TPD52L1: variants seen among roughly 807,000 people sequenced by gnomAD.
The protein encoded by TPD52L1 is tumor protein D53.
In TPD52L1, 18 loss-of-function variants were observed where a neutral mutation model predicts 28.7. The ratio of observed to expected loss-of-function variants is 0.63; its 90% CI spans 0.43 to 0.93. The LOEUF is 0.93. Among genes scored for constraint, TPD52L1 ranks in the 40% least tolerant of loss-of-function variants. The pLI is 0.00. For missense variants in TPD52L1, 203 were observed against 254.8 expected, an observed-to-expected ratio of 0.80 and a Z score of 1.39; for synonymous variants, 75 against 88.8, an observed-to-expected ratio of 0.84 and a Z score of 0.88.
intron 5 of TPD52L1, among the ~76,000 whole-genome samples, chr6:125,255,069 G>A (rs1482532029): frequency 1.3e-5 from 2 of 152,068 alleles, no homozygotes; most frequent in African/African-American, 4.8e-5. Flanking sequence ...TGCCCCAGTT[G>A]GGTAGTGGAA....
Position 125,204,991 on chromosome 6 carries a change from CTCTT to C in TPD52L1, c.20-15085_20-15082del, listed in dbSNP as rs567145875. Among the ~76,000 whole-genome samples the C allele has an allele frequency of 5.7e-4, 87 of 152,312 alleles. 1 individual carries two copies. In the South Asian group the frequency reaches 0.018, roughly 31 times the overall value. ...AGTGCTTCAATATTAAGTCACCTAACTCTTTATTCTCCACAATGTTTAGCAAATA... is the reference window on the plus strand; with the variant it reads ...AGTGCTTCAATATTAAGTCACCTAACTATTCTCCACAATGTTTAGCAAATA... On this transcript the variant is annotated intron_variant, in intron 1 of 6. Coordinates refer to ENST00000534000, the MANE Select transcript of TPD52L1 (RefSeq NM_003287.4).
intron 2 of TPD52L1, 41 bp from the exon 3 acceptor site, chr6:125,229,076 TG>T: frequency 6.3e-7 from 1 of 1,591,830 alleles, no homozygotes; most frequent in Non-Finnish European, 8.5e-7. Context: ...CCTTTTTTGC[TG>T]GTCTGACATT....
rs1229558808 is a variant in TPD52L1 at position 125,260,994 on chromosome 6, G to T, written c.487-1840G>T. ...AAAGAAAGAAAAGAAAAGAAAGAAA[G>T]AAAGAAAGAAAGAAAGAAAGAAAGA... On this transcript the variant is annotated intron_variant, in intron 6 of 6. Transcript: ENST00000534000. The T allele has an allele frequency of 9.2e-5, 4 of 43,376 alleles. 1 individual carries two copies. In the Admixed American group the frequency reaches 1.2e-3, roughly 13 times the overall value. 2.7% of individuals were successfully genotyped at this position (43,376 alleles called of 1,614,324 possible).
chr6:125,154,606 C>G (rs1282234797), intron 1 of TPD52L1: 13 of 902,372 alleles, frequency 1.4e-5, no homozygotes, highest in Non-Finnish European at 1.7e-5. Flanking sequence ...CCGCCCAGCT[C>G]CCTGCTCCCG....
chr6:125,230,344 G>A (rs1795877635), intron 3 of TPD52L1, among the ~76,000 whole-genome samples: 1 of 152,098 alleles, frequency 6.6e-6, no homozygotes, highest in East Asian at 1.9e-4. Context: ...GGGGTTAGGG[G>A]CTGATGAGGA....
chr6:125,154,292 T>G (rs1392834564), intron 1 of TPD52L1: 3 of 1,169,932 alleles, frequency 2.6e-6, no homozygotes, highest in African/African-American at 1.6e-5. Context: ...AAGGACCTGT[T>G]GTGCCGGGTC....
At chr6:125,196,532 T>C (rs1793453502) in intron 1 of TPD52L1, among the ~76,000 whole-genome samples, 2 of 152,240 alleles carry the variant, frequency 1.3e-5, no homozygotes, top group Non-Finnish European at 2.9e-5. Context: ...ATGGACTACA[T>C]TAAAAAGTTA....
At chr6:125,198,607 C>T (rs1388827728) in intron 1 of TPD52L1, among the ~76,000 whole-genome samples, 1 of 152,192 alleles carries the variant, frequency 6.6e-6, no homozygotes, top group Non-Finnish European at 1.5e-5. Flanking sequence ...CGTCAATTTT[C>T]CTCTTTATAA....
Position 125,220,085 on chromosome 6 carries a change from G to A in TPD52L1, c.27G>A (p.Leu9=), listed in dbSNP as rs775831581. The change falls in exon 2 of 7, where the codon TTG becomes TTA. Residue 9 remains leucine (L), a synonymous_variant. Transcript: ENST00000534000. MEAQAQGL[L]ETEPLQGTDE... is the part of the protein sequence containing the mutation. The stretch of plus-strand genomic sequence containing the variant: ...TATCAATTCTGCCTAAAGGTTTGTT[G>A]GAGACTGAACCGTTGCAAGGAACAG... The A allele has an allele frequency of 6.2e-6, 10 of 1,612,496 alleles. No individual in the cohort carries two copies. The highest frequency in any genetic ancestry group is 8.5e-6 in the Non-Finnish European group (10 of 1,178,664).
At chr6:125,256,651 A>T (rs1020408168) in intron 5 of TPD52L1, among the ~76,000 whole-genome samples, 1 of 152,254 alleles carries the variant, frequency 6.6e-6, no homozygotes, top group African/African-American at 2.4e-5. Flanking sequence ...AACTTTAAAA[A>T]ATGCCAAGTG....
At chr6:125,219,695 C>T (rs1189702228) in intron 1 of TPD52L1, 3 of 290,310 alleles carry the variant, frequency 1.0e-5, no homozygotes, top group Non-Finnish European at 2.0e-5. Context: ...TTGGGGCCTA[C>T]AATTTACACA....
intron 1 of TPD52L1, chr6:125,219,765 C>T (rs113884589): frequency 9.9e-5 from 38 of 382,352 alleles, no homozygotes; most frequent in East Asian, 2.5e-4. Context: ...TCTGCCCTTA[C>T]GCCTCATGAG....
chr6:125,221,435 T>G (rs999520388), intron 2 of TPD52L1, among the ~76,000 whole-genome samples: 1 of 152,148 alleles, frequency 6.6e-6, no homozygotes, highest in Non-Finnish European at 1.5e-5. Context: ...CAGAGTGGGG[T>G]AAGCCAACTG....
At chr6:125,195,714 T>C (rs1793383907) in intron 1 of TPD52L1, among the ~76,000 whole-genome samples, 1 of 152,180 alleles carries the variant, frequency 6.6e-6, no homozygotes, top group African/African-American at 2.4e-5. Flanking sequence ...TCCCTGGAAA[T>C]CTCTTTTATT....
At chr6:125,245,962 G>A (rs1796898837) in intron 3 of TPD52L1, among the ~76,000 whole-genome samples, 1 of 152,184 alleles carries the variant, frequency 6.6e-6, no homozygotes, top group Non-Finnish European at 1.5e-5. Flanking sequence ...GCTTAAGAAA[G>A]TTCACGCCCA....
At chr6:125,239,741 G>A (rs1012450824) in intron 3 of TPD52L1, among the ~76,000 whole-genome samples, 3 of 152,152 alleles carry the variant, frequency 2.0e-5, no homozygotes, top group East Asian at 1.9e-4. Flanking sequence ...GATATTAGTC[G>A]TTTGTCAGAT....
intron 3 of TPD52L1, among the ~76,000 whole-genome samples, chr6:125,232,493 G>C (rs2114995286): frequency 6.6e-6 from 1 of 152,214 alleles, no homozygotes; most frequent in South Asian, 2.1e-4. Flanking sequence ...TTGATGTGAA[G>C]AAATGATGAG....
At chr6:125,259,569 C>G (rs929343770) in intron 6 of TPD52L1, among the ~76,000 whole-genome samples, 3 of 152,344 alleles carry the variant, frequency 2.0e-5, no homozygotes, top group Middle Eastern at 3.4e-3. Context: ...TGTGAAGCCA[C>G]TTTTGGTATC....
intron 1 of TPD52L1, among the ~76,000 whole-genome samples, chr6:125,161,516 G>C (rs2114740569): frequency 6.6e-6 from 1 of 152,226 alleles, no homozygotes; most frequent in East Asian, 1.9e-4. Flanking sequence ...TCTAGCTTTT[G>C]ACTTAAGGTG....
Sources: gnomAD v4.1 joint callset for allele counts (sites outside exome capture counted in the v4.1 genomes callset) on GRCh38, gnomAD v4.1.1 for gene constraint, MANE v1.5 for transcripts, NCBI Gene and HGNC (gene_info 2026-07-23, HGNC 2026-07-21) for gene names.